Variants in GLCE observed in about 807,000 individuals in gnomAD.
GLCE encodes D-glucuronyl C5-epimerase.
GLCE carries 19 observed loss-of-function variants against 47.9 expected under a neutral mutation model. The observed-to-expected ratio is 0.40, with a 90% CI of 0.28 to 0.58. GLCE has a LOEUF of 0.58. Among genes scored for constraint, GLCE ranks in the 20% least tolerant of loss-of-function variants. The pLI, the probability that GLCE is intolerant of heterozygous loss-of-function variation, is 0.48. For missense variants in GLCE, 556 were observed against 743.3 expected (o/e 0.75, Z 2.93); for synonymous variants, 245 against 263.4 (o/e 0.93, Z 0.68).
At chr15:69,170,328 A>G (rs1167256242) in intron 1 of GLCE, among the ~76,000 whole-genome samples, 1 of 152,114 alleles carries the variant, frequency 6.6e-6, no homozygotes, top group East Asian at 1.9e-4. Context: ...GGTAAAATAT[A>G]TTTTATCTAG....
At chr15:69,215,307 T>C (rs2052290428) in intron 2 of GLCE, among the ~76,000 whole-genome samples, 1 of 152,200 alleles carries the variant, frequency 6.6e-6, no homozygotes, top group African/African-American at 2.4e-5. Flanking sequence ...CAGAGTATCA[T>C]ATACATGGAA....
At chr15:69,243,664 A>G (rs2052706646) in intron 2 of GLCE, among the ~76,000 whole-genome samples, 1 of 152,052 alleles carries the variant, frequency 6.6e-6, no homozygotes, top group African/African-American at 2.4e-5. Flanking sequence ...GGTAATTACA[A>G]TCTGTATTCA....
rs183282050 is a variant in GLCE at position 69,258,731 on chromosome 15, C to T, written c.586+2339C>T. 3.3e-5 allele frequency among the ~76,000 whole-genome samples: 5 copies of T among 152,178 alleles called. No homozygotes were observed. The South Asian group carries it at 1.0e-3, about 32-fold the overall frequency. ...AACCATTTATCCTTTCTTAGTGTTA[C>T]AAACAATCCAGTAATATTCTTTCAG... On this transcript the variant is annotated intron_variant, in intron 3 of 4. Coordinates refer to ENST00000261858, the MANE Select transcript of GLCE (RefSeq NM_015554.3).
intron 2 of GLCE, among the ~76,000 whole-genome samples, chr15:69,232,453 G>A (rs2052538189): frequency 2.4e-5 from 1 of 41,390 alleles, no homozygotes; most frequent in South Asian, 1.1e-3. Flanking sequence ...TACATGAATC[G>A]TGTGTGTGTG....
rs374723253 is a variant in GLCE, at chr15:69,241,695, G to A, written c.-13-14099G>A. Among the ~76,000 whole-genome samples the A allele has an allele frequency of 1.6e-4, 24 of 152,288 alleles. No homozygotes were observed. The South Asian group carries it at 5.0e-3, about 32-fold the overall frequency. On this transcript the variant is annotated intron_variant, in intron 2 of 4. Coordinates refer to ENST00000261858, the MANE Select transcript of GLCE (RefSeq NM_015554.3). ...GTGTGATCTCCTGACCAGAAGCATA[G>A]GTTTCACCTGGAACTTGATAGAAAA...
chr15:69,186,925 A>G (rs1595743621), intron 1 of GLCE, among the ~76,000 whole-genome samples: 2 of 152,066 alleles, frequency 1.3e-5, no homozygotes, highest in Non-Finnish European at 2.9e-5. Context: ...AGGGTTTCAC[A>G]TTGGGTGAAG....
chr15:69,254,611 C>A (rs764707673), intron 2 of GLCE, among the ~76,000 whole-genome samples: 1 of 152,002 alleles, frequency 6.6e-6, no homozygotes, highest in South Asian at 2.1e-4. Flanking sequence ...AAGGTAGAAC[C>A]AACAGAATTT....
chr15:69,263,171 A>G (rs1205232597), intron 4 of GLCE, among the ~76,000 whole-genome samples: 1 of 152,176 alleles, frequency 6.6e-6, no homozygotes, highest in Non-Finnish European at 1.5e-5. Flanking sequence ...CCAGTTGCAT[A>G]CTATAAGAGT....
chr15:69,208,614 G>A (rs2052183417), intron 1 of GLCE, among the ~76,000 whole-genome samples: 2 of 151,858 alleles, frequency 1.3e-5, no homozygotes, highest in Admixed American at 1.3e-4. Flanking sequence ...TAGTTCTTTT[G>A]CCTTTCCATA....
At chr15:69,266,720 C>T in intron 4 of GLCE, 1 of 936,368 alleles carries the variant, frequency 1.1e-6, no homozygotes, top group Middle Eastern at 5.5e-4. Context: ...GAGAACCTTT[C>T]TATTGAATAT....
intron 4 of GLCE, among the ~76,000 whole-genome samples, chr15:69,264,671 C>T (rs2053061807): frequency 6.6e-6 from 1 of 152,132 alleles, no homozygotes; most frequent in Non-Finnish European, 1.5e-5. Context: ...GCAAGGGTTT[C>T]CCTTTCTCCA....
At chr15:69,220,276 A>G (rs1350075007) in intron 2 of GLCE, among the ~76,000 whole-genome samples, 1 of 152,070 alleles carries the variant, frequency 6.6e-6, no homozygotes, top group Non-Finnish European at 1.5e-5. Context: ...CTGTTTTTAA[A>G]TTTTTGAGAA....
chr15:69,191,414 G>A (rs2051911743), intron 1 of GLCE, among the ~76,000 whole-genome samples: 1 of 152,116 alleles, frequency 6.6e-6, no homozygotes, highest in Non-Finnish European at 1.5e-5. Context: ...CACAGCAGAA[G>A]GGTACAAAGC....
At chr15:69,174,341 C>T (rs757199932) in intron 1 of GLCE, among the ~76,000 whole-genome samples, 2 of 151,968 alleles carry the variant, frequency 1.3e-5, no homozygotes, top group African/African-American at 2.4e-5. Flanking sequence ...AAACTGAAAC[C>T]ACTCATGCCT....
intron 2 of GLCE, among the ~76,000 whole-genome samples, chr15:69,225,383 T>C (rs1295192439): frequency 6.6e-6 from 1 of 152,044 alleles, no homozygotes; most frequent in African/African-American, 2.4e-5. Flanking sequence ...TACCACAGAG[T>C]TCAGCATTCA....
chr15:69,194,555 G>T (rs1341519028), intron 1 of GLCE: 2 of 152,080 alleles, frequency 1.3e-5, no homozygotes, highest in African/African-American at 2.4e-5. Flanking sequence ...ATTATTTTTA[G>T]TCCAGATTAC....
intron 1 of GLCE, among the ~76,000 whole-genome samples, chr15:69,182,974 G>A (rs1273606395): frequency 6.6e-6 from 1 of 152,102 alleles, no homozygotes; most frequent in African/African-American, 2.4e-5. Context: ...ACTCCAGCCT[G>A]GGCGACAGGG....
At chr15:69,162,211 T>C (rs888783991) in intron 1 of GLCE, among the ~76,000 whole-genome samples, 19 of 152,184 alleles carry the variant, frequency 1.2e-4, no homozygotes, top group Non-Finnish European at 2.6e-4. Context: ...ACAGTTTCAT[T>C]GTATTGTAAA....
intron 1 of GLCE, among the ~76,000 whole-genome samples, chr15:69,194,119 A>G (rs2051952597): frequency 6.6e-6 from 1 of 152,138 alleles, no homozygotes; most frequent in Non-Finnish European, 1.5e-5. Context: ...GCCCTAGAAA[A>G]CAGTTCCTCT....
Sources: gnomAD v4.1 joint callset for allele counts (sites outside exome capture counted in the v4.1 genomes callset) on GRCh38, gnomAD v4.1.1 for gene constraint, MANE v1.5 for transcripts, NCBI Gene and HGNC (gene_info 2026-07-23, HGNC 2026-07-21) for gene names.